Variants in UMAD1 observed in about 807,000 individuals in gnomAD.
UMAD1 encodes UBAP1-MVB12-associated (UMA)-domain containing protein 1.
UMAD1 carries 8 observed loss-of-function variants against 6.1 expected under a neutral mutation model. The observed-to-expected ratio is 1.30, with a 90% CI of 0.76 to 2.35. The LOEUF (loss-of-function observed/expected upper bound fraction) is 2.35. Ranked by LOEUF, UMAD1 falls within the 30% of genes most tolerant of loss-of-function variation. UMAD1 has a pLI of 0.00. For missense variants in UMAD1, 130 were observed against 78.4 expected (o/e 1.66, Z -2.49); for synonymous variants, 56 against 31.4 (o/e 1.78, Z -2.61).
chr7:7,711,615 T>A (rs1780766292), intron 2 of UMAD1, among the ~76,000 whole-genome samples: 1 of 152,130 alleles, frequency 6.6e-6, no homozygotes, highest in South Asian at 2.1e-4. Flanking sequence ...ATTGGACATT[T>A]TTATTTATGT....
chr7:7,812,087 T>C (rs1431904890), intron 3 of UMAD1, among the ~76,000 whole-genome samples: 1 of 152,234 alleles, frequency 6.6e-6, no homozygotes, highest in Non-Finnish European at 1.5e-5. Flanking sequence ...TCACCTTTGC[T>C]GGAAAAATTA....
At chr7:7,676,369 G>C (rs1779739348) in intron 2 of UMAD1, among the ~76,000 whole-genome samples, 1 of 152,168 alleles carries the variant, frequency 6.6e-6, no homozygotes, top group Non-Finnish European at 1.5e-5. Context: ...CCATACACAG[G>C]CTAGGATTTA....
chr7:7,753,566 C>T (rs13244344), intron 2 of UMAD1, among the ~76,000 whole-genome samples: 23,835 of 152,138 alleles, frequency 0.16, 1,964 homozygotes, highest in African/African-American at 0.2. Flanking sequence ...AACATAATGA[C>T]TTCCAGTTCT....
intron 3 of UMAD1, among the ~76,000 whole-genome samples, chr7:7,812,139 A>G (rs147884084): frequency 2.0e-5 from 3 of 152,290 alleles, no homozygotes; most frequent in Non-Finnish European, 4.4e-5. Flanking sequence ...TCTGGCTTGC[A>G]TTGGGGTTAA....
intron 2 of UMAD1, among the ~76,000 whole-genome samples, chr7:7,793,778 C>T (rs1441808536): frequency 6.6e-6 from 1 of 151,956 alleles, no homozygotes; most frequent in East Asian, 1.9e-4. Flanking sequence ...TAAATTTGGC[C>T]ATATAGAGAG....
At position 7,877,458 on chromosome 7, in the gene UMAD1, C is replaced by T; in HGVS notation, c.334C>T (p.Leu112Phe). The T allele has an allele frequency of 1.4e-6, 1 of 717,690 alleles. No homozygotes were observed. Among genetic ancestry groups the T allele is most frequent in the Non-Finnish European group, 2.6e-6 (1 of 385,130 alleles). The allele number at this position is 717,690 out of a possible 1,614,324, so 44.5% of individuals were successfully genotyped here. ...CATCACTGACCTTCCCGACCACTTACTCTCCTATGATGGCAGCGAAAACTT... is the reference window on the plus strand; with the variant it reads ...CATCACTGACCTTCCCGACCACTTATTCTCCTATGATGGCAGCGAAAACTT... Reference protein sequence around the residue: ...GTITDLPDHLLSYDGSENLSR... With the variant: ...GTITDLPDHLFSYDGSENLSR... Residue 112 changes from leucine to phenylalanine, a missense_variant, in exon 4 of 4, where the codon CTC becomes TTC. Transcript: ENST00000682710.
chr7:7,701,204 T>C (rs1780454879), intron 2 of UMAD1, among the ~76,000 whole-genome samples: 1 of 152,180 alleles, frequency 6.6e-6, no homozygotes, highest in Non-Finnish European at 1.5e-5. Context: ...ATCATACCTA[T>C]TTAAGGAATG....
intron 2 of UMAD1, among the ~76,000 whole-genome samples, chr7:7,682,722 C>T (rs953285533): frequency 6.6e-6 from 1 of 152,192 alleles, no homozygotes; most frequent in African/African-American, 2.4e-5. Flanking sequence ...TACCCTATCG[C>T]TGTCTCCTTA....
intron 2 of UMAD1, among the ~76,000 whole-genome samples, chr7:7,677,555 T>G (rs1195001714): frequency 6.6e-6 from 1 of 152,182 alleles, no homozygotes; most frequent in Non-Finnish European, 1.5e-5. Context: ...TCTCCTCTAG[T>G]ACCATCTATG....
intron 2 of UMAD1, among the ~76,000 whole-genome samples, chr7:7,707,519 T>A (rs1780636875): frequency 1.3e-5 from 2 of 152,210 alleles, no homozygotes; most frequent in African/African-American, 4.8e-5. Flanking sequence ...AGTGTGATTT[T>A]GTAAAAGTGA....
chr7:7,764,629 C>T (rs1404710852), intron 2 of UMAD1, among the ~76,000 whole-genome samples: 1 of 152,236 alleles, frequency 6.6e-6, no homozygotes, highest in East Asian at 1.9e-4. Flanking sequence ...ATGAGGAACT[C>T]CATTAGGTAA....
At chr7:7,867,328 A>C (rs1483492447) in intron 3 of UMAD1, among the ~76,000 whole-genome samples, 1 of 152,158 alleles carries the variant, frequency 6.6e-6, no homozygotes, top group African/African-American at 2.4e-5. Flanking sequence ...GGGGGAGTGG[A>C]AGAGTGGAGC....
At chr7:7,642,085 A>G (rs903491686) in intron 1 of UMAD1, among the ~76,000 whole-genome samples, 1 of 152,224 alleles carries the variant, frequency 6.6e-6, no homozygotes, top group East Asian at 1.9e-4. Context: ...ATTGTTTTGC[A>G]AAGCAAGTTG....
At chr7:7,827,133 A>ATGTG (rs1354412548) in intron 3 of UMAD1, among the ~76,000 whole-genome samples, 132 of 89,232 alleles carry the variant, frequency 1.5e-3, no homozygotes, top group South Asian at 8.1e-3. Context: ...ATATATATAT[A>ATGTG]TATATATATA....
At chr7:7,864,540 A>T (rs963264116) in intron 3 of UMAD1, among the ~76,000 whole-genome samples, 17 of 145,742 alleles carry the variant, frequency 1.2e-4, no homozygotes, top group East Asian at 2.3e-4. Context: ...CAGCTTGGGG[A>T]TGTGTGAGGA....
intron 2 of UMAD1, among the ~76,000 whole-genome samples, chr7:7,705,784 A>C (rs985577722): frequency 2.0e-5 from 3 of 152,198 alleles, no homozygotes; most frequent in African/African-American, 7.2e-5. Context: ...CTAATGTAAA[A>C]TATGGACTTT....
intron 2 of UMAD1, among the ~76,000 whole-genome samples, chr7:7,703,840 G>A (rs1780527821): frequency 6.6e-6 from 1 of 152,130 alleles, no homozygotes; most frequent in African/African-American, 2.4e-5. Context: ...TATTTGGGAG[G>A]CTGAGGTAGG....
At chr7:7,729,403 A>G (rs1470332382) in intron 2 of UMAD1, among the ~76,000 whole-genome samples, 1 of 152,190 alleles carries the variant, frequency 6.6e-6, no homozygotes, top group Non-Finnish European at 1.5e-5. Flanking sequence ...TTTCGTTTTC[A>G]TCCTTTGAGA....
intron 2 of UMAD1, among the ~76,000 whole-genome samples, chr7:7,781,302 A>G (rs1294938858): frequency 1.3e-5 from 2 of 152,062 alleles, no homozygotes; most frequent in Non-Finnish European, 2.9e-5. Context: ...TTAATAGTAC[A>G]TAGGGCGCAG....
Sources: gnomAD v4.1 joint callset for allele counts (sites outside exome capture counted in the v4.1 genomes callset) on GRCh38, gnomAD v4.1.1 for gene constraint, MANE v1.5 for transcripts, NCBI Gene and HGNC (gene_info 2026-07-23, HGNC 2026-07-21) for gene names.